Variants in UGT2A2 observed in about 807,000 individuals in gnomAD.
UGT2A2 encodes the protein UDP-glucuronosyltransferase 2A2.
A neutral mutation model predicts 50.7 loss-of-function variants in UGT2A2; 60 were observed. The ratio of observed to expected loss-of-function variants is 1.18; its 90% CI spans 0.96 to 1.47. UGT2A2 has a LOEUF of 1.47. UGT2A2 is among the 40% of genes most tolerant of loss of function. The pLI is 0.00. For synonymous variants in UGT2A2, 242 were observed against 214.6 expected (o/e 1.13, Z -1.11); for missense variants, 762 against 634.0 (o/e 1.20, Z -2.17).
chr4:69,594,404 A>G, intron 5 of UGT2A2, 73 bp downstream of exon 5: 1 of 1,548,584 alleles, frequency 6.5e-7, no homozygotes, highest in Non-Finnish European at 8.7e-7. Context: ...AAAGTATAAA[A>G]GAATGTACAT....
intron 1 of UGT2A2, among the ~76,000 whole-genome samples, chr4:69,609,550 T>A (rs903061570): frequency 3.9e-5 from 6 of 152,120 alleles, no homozygotes; most frequent in Non-Finnish European, 5.9e-5. Flanking sequence ...CAACTGTTAA[T>A]AAAAGTCAGT....
Position 69,595,178 on chromosome 4 carries a change from G to T in UGT2A2, c.1095C>A (p.Pro365=). ...GNNTQLFDWI[P]QNDLLGHPKT... ...CAGTCTTACCAAGAAGATCATTCTG[G>T]GGTATCCAATCAAAGAGCTGAGTAT... The change falls in exon 4 of 6, where the codon CCC becomes CCA. Residue 365 remains proline (P), a synonymous_variant. Coordinates refer to ENST00000604629, the MANE Select transcript of UGT2A2 (RefSeq NM_001105677.2). 1 of 1,613,742 alleles carries T rather than the reference G, an allele frequency of 6.2e-7. No individual in the cohort carries two copies. The highest frequency in any genetic ancestry group is 1.1e-5 in the South Asian group (1 of 91,070).
Position 69,639,289 on chromosome 4 carries a change from T to C in UGT2A2, c.352A>G (p.Lys118Glu), listed in dbSNP as rs765628976. The C allele has an allele frequency of 1.3e-5, 21 of 1,613,628 alleles. No homozygotes were observed. Among genetic ancestry groups the C allele is most frequent in the Non-Finnish European group, 1.6e-5 (19 of 1,179,748 alleles). ...GTGTCTAGAAGTTTTCCTAGTTCTT[T>C]GTAGAAAGCCCATATTGTGAGAGGA... Reference protein sequence around the residue: ...PTPLTIWAFYKELGKLLDTFF... With the variant: ...PTPLTIWAFYEELGKLLDTFF... The change falls in exon 1 of 6, where the codon AAA becomes GAA. Residue 118 changes from lysine (K) to glutamate (E), a missense_variant. Lys to Glu is a moderately conservative substitution (Grantham distance 56). Transcript: ENST00000604629.
chr4:69,629,961 TA>T (rs1422002121), intron 1 of UGT2A2, among the ~76,000 whole-genome samples: 1 of 152,064 alleles, frequency 6.6e-6, no homozygotes, highest in African/African-American at 2.4e-5. Flanking sequence ...CTTTGTAAAA[TA>T]TTTTTTCCTT....
In UGT2A2 at chr4:69,599,352, A is replaced by G; in HGVS notation, c.785T>C (p.Ile262Thr). 1 of 1,613,790 alleles carries G rather than the reference A, an allele frequency of 6.2e-7. No homozygotes were observed. Among genetic ancestry groups the G allele is most frequent in the Non-Finnish European group, 8.5e-7 (1 of 1,179,894 alleles). ...TLCETMGKAE[I>T]WLIRTYWDFE... ...ATCCCAATATGTTCGGATTAACCAAATTTCAGCTTTCCCCATAGTCTCACA... is the reference window on the plus strand; with the variant it reads ...ATCCCAATATGTTCGGATTAACCAAGTTTCAGCTTTCCCCATAGTCTCACA... The change falls in exon 2 of 6, where the codon ATT becomes ACT. Residue 262 changes from isoleucine (I) to threonine (T), a missense_variant. Transcript: ENST00000604629.
chr4:69,601,014 T>C (rs188863323), intron 1 of UGT2A2, among the ~76,000 whole-genome samples: 35 of 152,262 alleles, frequency 2.3e-4, no homozygotes, highest in Middle Eastern at 6.8e-3. Flanking sequence ...GGAAGGCTTA[T>C]GACCTGGGGC....
At chr4:69,601,861 C>T (rs1330533967) in intron 1 of UGT2A2, among the ~76,000 whole-genome samples, 5 of 136,412 alleles carry the variant, frequency 3.7e-5, no homozygotes, top group Admixed American at 7.2e-5. Context: ...AGCAGCAGCA[C>T]TCATAGTAGT....
At chr4:69,620,631 T>C (rs1260642325) in intron 1 of UGT2A2, among the ~76,000 whole-genome samples, 1 of 146,636 alleles carries the variant, frequency 6.8e-6, no homozygotes, top group Non-Finnish European at 1.5e-5. Flanking sequence ...AATAAAAAAC[T>C]ATTTTAAAAT....
chr4:69,609,786 G>C (rs1719923854), intron 1 of UGT2A2, among the ~76,000 whole-genome samples: 2 of 152,178 alleles, frequency 1.3e-5, no homozygotes, highest in South Asian at 4.1e-4. Flanking sequence ...CATAGCAAAT[G>C]TTCACTGCAT....
At position 69,595,222 on chromosome 4, in the gene UGT2A2, G is replaced by T. The variant is rs142656113; in HGVS notation, c.1051C>A (p.Pro351Thr). Residue 351 changes from proline (P) to threonine (T), a missense_variant, in exon 4 of 6, where the codon CCA becomes ACA. By Grantham distance (38) the Pro-to-Thr change is conservative. Transcript: ENST00000604629. ...KVLWRYKGKK[P>T]ATLGNNTQLF... is the part of the protein sequence containing the mutation. ...TGAGTATTGTTTCCTAATGTGGCTG[G>T]TTTCTTTCCTTTGTATCTCCATAAA... 490 of 1,613,720 alleles carry T rather than the reference G, an allele frequency of 3.0e-4. No homozygotes were observed. The highest frequency in any genetic ancestry group is 4.0e-4 in the Admixed American group (24 of 60,004).
At position 69,589,477 on chromosome 4, in the gene UGT2A2, C is replaced by A. The variant is rs757568823; in HGVS notation, c.1506G>T (p.Gly502=). ...CCGTTGTCACACAGACCAGCAAGAA[C>A]CCAATTACATCCAAAGAGTGGTACT... is the stretch of plus-strand genomic sequence containing the variant. The part of the protein sequence containing the change: ...WFQYHSLDVI[G]FLLVCVTTAI... Residue 502 remains glycine (G), a synonymous_variant, in exon 6 of 6, where the codon GGG becomes GGT. Transcript: ENST00000604629. The A allele has an allele frequency of 1.2e-6, 2 of 1,613,896 alleles. No individual in the cohort carries two copies. Among genetic ancestry groups the A allele is most frequent in the Non-Finnish European group, 1.7e-6 (2 of 1,180,008 alleles).
At chr4:69,590,875 T>A (rs1425202431) in intron 5 of UGT2A2, among the ~76,000 whole-genome samples, 2 of 152,180 alleles carry the variant, frequency 1.3e-5, no homozygotes, top group Non-Finnish European at 2.9e-5. Flanking sequence ...GACTGATATG[T>A]TAAAATATTC....
intron 1 of UGT2A2, among the ~76,000 whole-genome samples, chr4:69,623,494 TA>T (rs35302832): frequency 6.6e-6 from 1 of 151,672 alleles, no homozygotes; most frequent in African/African-American, 2.4e-5. Context: ...TGCATACATG[TA>T]AAAAAATAGC....
chr4:69,596,339 C>A lies in UGT2A2; in HGVS notation c.934G>T (p.Val312Leu). The change falls in exon 3 of 6, where the codon GTG (valine) becomes TTG (leucine). Residue 312 changes from valine (V) to leucine (L), a missense_variant. Transcript: ENST00000604629. ...ACCATTGATCCCAGAGAAAACACCA[C>A]AACACCATTTTTACCTGAGCTCTGG... is the stretch of plus-strand genomic sequence containing the variant. Reference protein sequence around the residue: ...FIQSSGKNGVVVFSLGSMVKN... With the variant: ...FIQSSGKNGVLVFSLGSMVKN... The A allele has an allele frequency of 6.2e-7, 1 of 1,606,240 alleles. No homozygotes were observed. Among genetic ancestry groups the A allele is most frequent in the East Asian group, 2.2e-5 (1 of 44,490 alleles).
Position 69,589,527 on chromosome 4 carries a change from C to G in UGT2A2, c.1456G>C (p.Ala486Pro). 3.1e-6 allele frequency: 5 copies of G among 1,614,098 alleles called. No individual in the cohort carries two copies. The highest frequency in any genetic ancestry group is 1.3e-5 in the African/African-American group (1 of 75,036). Residue 486 changes from alanine (A) to proline (P), a missense_variant, in exon 6 of 6, where the codon GCA becomes CCA. Physicochemically the swap from Ala to Pro is conservative, Grantham distance 27 (BLOSUM62 -1). Coordinates refer to ENST00000604629, the MANE Select transcript of UGT2A2 (RefSeq NM_001105677.2). ...RHKGAKHLRV[A>P]AHDLTWFQYH... ...TGGAACCAGGTGAGGTCATGGGCTG[C>G]AACCCGAAGGTGCTTGGCTCCTTTG...
In UGT2A2 at chr4:69,613,775, C is replaced by G. The variant is rs553257995; in HGVS notation, c.743-14381G>C. On this transcript the variant is annotated intron_variant, in intron 1 of 5. Transcript: ENST00000604629. ...GAAAAATATTTGAGAACATTAACAT[C>G]TCTTCATGATTAAAAACTCTCAAAA... 3.9e-5 allele frequency among the ~76,000 whole-genome samples: 6 copies of G among 152,052 alleles called. No individual in the cohort carries two copies. The South Asian group carries it at 1.2e-3, about 31-fold the overall frequency.
Position 69,599,265 on chromosome 4 carries a change from G to T in UGT2A2, c.872C>A (p.Pro291His). The T allele has an allele frequency of 6.2e-7, 1 of 1,613,588 alleles. No individual in the cohort carries two copies. The highest frequency in any genetic ancestry group is 1.1e-5 in the South Asian group (1 of 91,008). ...ACCTACCTTAGGTAAAGGTTTGGCAGGTTTGCAGTGCAATCCTCCAACAAA... is the reference window on the plus strand; with the variant it reads ...ACCTACCTTAGGTAAAGGTTTGGCATGTTTGCAGTGCAATCCTCCAACAAA... ...FEFVGGLHCK[P>H]AKPLPKEMEE... is the part of the protein sequence containing the mutation. The change falls in exon 2 of 6, where the codon CCT becomes CAT. Residue 291 changes from proline to histidine, a missense_variant. By Grantham distance (77) the Pro-to-His change is moderately conservative. Transcript: ENST00000604629.
chr4:69,623,263 T>C (rs574445077), intron 1 of UGT2A2, among the ~76,000 whole-genome samples: 1 of 151,912 alleles, frequency 6.6e-6, no homozygotes, highest in East Asian at 1.9e-4. Context: ...TTTCTACCAG[T>C]AATGTAGTCT....
At chr4:69,601,143 T>C (rs1287805264) in intron 1 of UGT2A2, among the ~76,000 whole-genome samples, 1 of 152,180 alleles carries the variant, frequency 6.6e-6, no homozygotes, top group African/African-American at 2.4e-5. Flanking sequence ...TACTTCCTGC[T>C]GCTACACATA....
Sources: allele counts gnomAD v4.1 joint callset (sites outside exome capture counted in the v4.1 genomes callset), GRCh38; gene constraint gnomAD v4.1.1; transcripts MANE v1.5; gene names NCBI Gene and HGNC (gene_info 2026-07-23, HGNC 2026-07-21).